CLEC16A: variants seen among roughly 807,000 people sequenced by gnomAD.
CLEC16A encodes C-type lectin domain containing 16A.
A neutral mutation model predicts 109.5 loss-of-function variants in CLEC16A; 51 were observed. The observed-to-expected ratio is 0.47, with a 90% CI of 0.37 to 0.59. The LOEUF is 0.59. Among genes scored for constraint, CLEC16A ranks in the 20% least tolerant of loss-of-function variants. CLEC16A has a pLI of 0.00. For missense variants in CLEC16A, 1,339 were observed against 1,394.0 expected, an observed-to-expected ratio of 0.96 and a Z score of 0.63; for synonymous variants, 673 against 564.2, an observed-to-expected ratio of 1.19 and a Z score of -2.73.
chr16:11,010,132 A>G (rs1439767269), intron 11 of CLEC16A, among the ~76,000 whole-genome samples: 2 of 145,172 alleles, frequency 1.4e-5, no homozygotes, highest in African/African-American at 5.3e-5. Context: ...AGCCGGGGTG[A>G]CAGAGTGAGA....
rs200926397 is a variant in CLEC16A, at chr16:11,181,152, C to T, written c.*2462C>T. The T allele has an allele frequency of 1.3e-5, 2 of 152,364 alleles. No individual in the cohort carries two copies. Among genetic ancestry groups the T allele is most frequent in the African/African-American group, 4.8e-5 (2 of 41,464 alleles). The allele number at this position is 152,364 out of a possible 1,614,324, so 9.4% of individuals were successfully genotyped here. ...AGCCAGCCCATTGGAGGCCACCAGC[C>T]ATTTTGGCTTCAAAGGACCCCACCT... On this transcript the variant is annotated 3_prime_UTR_variant, in exon 24 of 24. Transcript: ENST00000409790.
In CLEC16A at chr16:10,954,359, T is replaced by C. The variant is rs1002503612; in HGVS notation, c.81-3423T>C. The stretch of plus-strand genomic sequence containing the variant: ...CACGTGGGGGCTCCTAGAATCTTTT[T>C]TTCAGGACTTACCGCCCTGCCCTCT... On this transcript the variant is annotated intron_variant, in intron 1 of 23. Coordinates refer to ENST00000409790, the MANE Select transcript of CLEC16A (RefSeq NM_015226.3). The surrounding 1 kb of genome is among the most constrained non-coding windows in gnomAD (Gnocchi z 4.2). 2.0e-5 allele frequency among the ~76,000 whole-genome samples: 3 copies of C among 152,194 alleles called. No individual in the cohort carries two copies. Among genetic ancestry groups the C allele is most frequent in the African/African-American group, 4.8e-5 (2 of 41,444 alleles).
chr16:11,064,560 T>C (rs541081462), intron 19 of CLEC16A, among the ~76,000 whole-genome samples: 3 of 152,310 alleles, frequency 2.0e-5, no homozygotes, highest in African/African-American at 7.2e-5. Flanking sequence ...GAAGATCACT[T>C]GAGCTCAGGA....
intron 7 of CLEC16A, among the ~76,000 whole-genome samples, chr16:10,976,584 A>C (rs1476695637): frequency 6.6e-6 from 1 of 152,254 alleles, no homozygotes; most frequent in Non-Finnish European, 1.5e-5. Flanking sequence ...TAATAACAAC[A>C]ATACAAACAA....
chr16:11,042,510 C>G, intron 15 of CLEC16A, 147 bp downstream of exon 15: 1 of 561,702 alleles, frequency 1.8e-6, no homozygotes, highest in Non-Finnish European at 3.1e-6. Flanking sequence ...CTCTTGAGAC[C>G]CCACTCCAAC....
intron 22 of CLEC16A, among the ~76,000 whole-genome samples, chr16:11,155,698 T>C (rs1048438174): frequency 2.0e-5 from 3 of 152,228 alleles, no homozygotes; most frequent in Non-Finnish European, 4.4e-5. Flanking sequence ...TAGAACGTCA[T>C]CAGCCATCGG....
At chr16:10,992,182 G>T (rs1021806444) in intron 10 of CLEC16A, among the ~76,000 whole-genome samples, 1 of 152,136 alleles carries the variant, frequency 6.6e-6, no homozygotes, top group African/African-American at 2.4e-5. Flanking sequence ...GTTAACCACA[G>T]TCACCCTTCT....
In CLEC16A at chr16:11,166,454, C is replaced by CCGCCAGCGGGAGCCCCAG. The variant is rs1567412501; in HGVS notation, c.2711_2728dup (p.Ala904_Ser909dup). The CCGCCAGCGGGAGCCCCAG allele has an allele frequency of 6.2e-7, 1 of 1,607,922 alleles. No homozygotes were observed. The highest frequency in any genetic ancestry group is 1.3e-5 in the African/African-American group (1 of 75,064). On this transcript the variant is annotated inframe_insertion, in exon 23 of 24. Coordinates refer to ENST00000409790, the MANE Select transcript of CLEC16A (RefSeq NM_015226.3). ...TCCCTGTCCTCACAGTCGCCACCCT[C>CCGCCAGCGGGAGCCCCAG]CGCCAGCGGGAGCCCCAGCGGCAGC... is the stretch of plus-strand genomic sequence containing the variant.
chr16:10,964,279 A>G (rs746806244), intron 3 of CLEC16A, among the ~76,000 whole-genome samples: 4 of 152,202 alleles, frequency 2.6e-5, no homozygotes, highest in South Asian at 2.1e-4. Flanking sequence ...CTGTCTCCCT[A>G]AATGGTTTCC....
chr16:11,153,065 C>G, intron 22 of CLEC16A, among the ~76,000 whole-genome samples: 1 of 152,120 alleles, frequency 6.6e-6, no homozygotes, highest in Non-Finnish European at 1.5e-5. Flanking sequence ...GAAGTCAATG[C>G]ACATAGTGAT....
intron 22 of CLEC16A, among the ~76,000 whole-genome samples, chr16:11,145,405 T>G (rs1045739158): frequency 1.3e-5 from 2 of 152,236 alleles, no homozygotes; most frequent in African/African-American, 4.8e-5. Flanking sequence ...AAAGCCAATG[T>G]CATCCGCGGC....
At chr16:11,063,140 C>G (rs895694045) in intron 19 of CLEC16A, among the ~76,000 whole-genome samples, 1 of 152,122 alleles carries the variant, frequency 6.6e-6, no homozygotes, top group Non-Finnish European at 1.5e-5. Context: ...GGCTGTTTGT[C>G]TTTGCCCAGC....
chr16:10,958,433 AG>A (rs2042094533), intron 2 of CLEC16A, among the ~76,000 whole-genome samples: 1 of 152,272 alleles, frequency 6.6e-6, no homozygotes, highest in South Asian at 2.1e-4. Flanking sequence ...AGAATCAGTG[AG>A]GGGTCCCGCA....
At chr16:10,952,024 G>C (rs948492862) in intron 1 of CLEC16A, among the ~76,000 whole-genome samples, 1 of 152,188 alleles carries the variant, frequency 6.6e-6, no homozygotes, top group Admixed American at 6.5e-5. Context: ...CACTGAAATG[G>C]ATAATGCAAC....
rs1377617247 is a variant in CLEC16A, at chr16:11,144,469, G to A, written c.2641+18323G>A. Among the ~76,000 whole-genome samples, 7 of 151,956 alleles carry A rather than the reference G, an allele frequency of 4.6e-5. No individual in the cohort carries two copies. In the East Asian group the frequency reaches 7.7e-4, roughly 17 times the overall value. ...GCCACTCAACTGGAACCTCACAATG[G>A]CAAAGAAAAGCCACCCTCCCCTCAG... On this transcript the variant is annotated intron_variant, in intron 22 of 23. Coordinates refer to ENST00000409790, the MANE Select transcript of CLEC16A (RefSeq NM_015226.3).
intron 19 of CLEC16A, among the ~76,000 whole-genome samples, chr16:11,111,209 T>G (rs2051564045): frequency 6.6e-6 from 1 of 152,200 alleles, no homozygotes; most frequent in African/African-American, 2.4e-5. Context: ...ATATATTAAC[T>G]TCATGGCTTA....
chr16:10,996,449 T>G (rs1428033535), intron 10 of CLEC16A, among the ~76,000 whole-genome samples: 3 of 152,204 alleles, frequency 2.0e-5, no homozygotes, highest in Non-Finnish European at 4.4e-5. Flanking sequence ...GTGAGTGGCT[T>G]CTGGGCACAC....
chr16:10,983,099 A>T (rs1244898070), intron 10 of CLEC16A, 108 bp downstream of exon 10: 2 of 649,672 alleles, frequency 3.1e-6, no homozygotes, highest in Non-Finnish European at 5.5e-6. Flanking sequence ...TATAGCAGTG[A>T]TGATGCATAA....
intron 22 of CLEC16A, 194 bp downstream of exon 22, chr16:11,126,340 CT>C: frequency 6.8e-7 from 1 of 1,474,526 alleles, no homozygotes; most frequent in South Asian, 1.4e-5. Context: ...TTGGCTTTCC[CT>C]TTAGTGTTTG....
Sources: gnomAD v4.1 joint callset for allele counts (sites outside exome capture counted in the v4.1 genomes callset) on GRCh38, gnomAD v4.1.1 for gene constraint, Gnocchi (gnomAD v3.1) non-coding constraint, MANE v1.5 for transcripts, NCBI Gene and HGNC (gene_info 2026-07-23, HGNC 2026-07-21) for gene names.